The following CDK11B variants were observed in gnomAD, a reference collection of about 807,000 sequenced individuals.
CDK11B encodes the protein cyclin-dependent kinase 11B.
A neutral mutation model predicts 84.0 loss-of-function variants in CDK11B; 37 were observed. That is an observed-to-expected ratio of 0.44 (90% CI 0.34 to 0.58). The LOEUF (loss-of-function observed/expected upper bound fraction) is 0.58, where lower values mean the gene tolerates loss of function less well. CDK11B is among the 20% of genes least tolerant of loss of function. The pLI is 0.02. For missense variants in CDK11B, 427 were observed against 834.0 expected, an observed-to-expected ratio of 0.51 and a Z score of 6.01; for synonymous variants, 269 against 309.8, an observed-to-expected ratio of 0.87 and a Z score of 1.38.
At chr1:1,644,713 C>T (rs1277956773) in intron 6 of CDK11B, among the ~76,000 whole-genome samples, 7 of 152,232 alleles carry the variant, frequency 4.6e-5, no homozygotes, top group South Asian at 2.1e-4. Context: ...TCGTACTGGC[C>T]GGCCGCGGTG....
chr1:1,649,970 A>T, intron 4 of CDK11B, among the ~76,000 whole-genome samples: 1 of 143,954 alleles, frequency 6.9e-6, no homozygotes, highest in Admixed American at 6.9e-5. Flanking sequence ...AAAAAAAAAA[A>T]CCCACGTGAA....
At chr1:1,652,379 T>C in intron 4 of CDK11B, 60 bp downstream of exon 4, 1 of 1,365,446 alleles carries the variant, frequency 7.3e-7, no homozygotes, top group Non-Finnish European at 9.7e-7. Context: ...GGCAGAAGAG[T>C]AGGAACAGGA....
chr1:1,644,812 TGAAACCCTGTCTCTA>T (rs1640793109), intron 6 of CDK11B, among the ~76,000 whole-genome samples: 1 of 151,886 alleles, frequency 6.6e-6, no homozygotes, highest in Non-Finnish European at 1.5e-5. Context: ...GCTAACACGG[TGAAACCCTGTCTCTA>T]CTAAAAATAT....
chr1:1,651,665 C>T (rs1426474139), intron 4 of CDK11B, among the ~76,000 whole-genome samples: 6 of 151,554 alleles, frequency 4.0e-5, no homozygotes, highest in Non-Finnish European at 5.9e-5. Flanking sequence ...GTCTGTGACA[C>T]ACGCATGCTT....
intron 3 of CDK11B, among the ~76,000 whole-genome samples, chr1:1,654,745 A>G (rs1396561813): frequency 2.0e-5 from 3 of 147,360 alleles, no homozygotes; most frequent in Non-Finnish European, 3.0e-5. Context: ...TGCAAGCTCC[A>G]CCTCCTGGGT....
Position 1,637,752 on chromosome 1 carries a change from C to T in CDK11B, c.1464+10G>A, listed in dbSNP as rs371647482. 10 of 1,613,574 alleles carry T rather than the reference C, an allele frequency of 6.2e-6. No homozygotes were observed. The African/African-American group carries it at 1.3e-4, about 22-fold the overall frequency. Reference sequence around the variant, plus strand: ...CCACCCGGGGCCAGGCGTGGTGGGGCCATGCTCACTCTAACGGTGACGATG... The same window carrying T: ...CCACCCGGGGCCAGGCGTGGTGGGGTCATGCTCACTCTAACGGTGACGATG... On this transcript the variant is annotated intron_variant, in intron 13 of 19. Coordinates refer to ENST00000341832, the MANE Select transcript of CDK11B (RefSeq NM_033486.3).
Position 1,637,770 on chromosome 1 carries a change from T to C in CDK11B, c.1456A>G (p.Thr486Ala). 1 of 1,613,728 alleles carries C rather than the reference T, an allele frequency of 6.2e-7. No homozygotes were observed. Among genetic ancestry groups the C allele is most frequent in the Non-Finnish European group, 8.5e-7 (1 of 1,179,696 alleles). The change falls in exon 13 of 20, where the codon ACC (threonine) becomes GCC (alanine). Residue 486 changes from threonine to alanine, a missense_variant. By Grantham distance (58) the Thr-to-Ala change is moderately conservative (BLOSUM62 0). Transcript: ENST00000341832. ...ILKAQHPNIV[T>A]VREIVVGSNM... Reference sequence around the variant, plus strand: ...GGTGGGGCCATGCTCACTCTAACGGTGACGATGTTGGGATGCTGGGCCTTG... The same window carrying C: ...GGTGGGGCCATGCTCACTCTAACGGCGACGATGTTGGGATGCTGGGCCTTG...
At chr1:1,636,278 G>T (rs61774909) in intron 18 of CDK11B, 55 bp downstream of exon 18, 575,689 of 1,454,254 alleles carry the variant, frequency 0.4, 105,414 homozygotes, top group Non-Finnish European at 0.44. Context: ...GCCTGGGACT[G>T]GGAAGTCACC....
In CDK11B at chr1:1,636,378, CGCTTGCGGAGGTTGTTGTAGGGGT is replaced by C; in HGVS notation, c.1997_2020del (p.His666_Lys673del). 6.2e-7 allele frequency: 1 copy of C among 1,604,660 alleles called. No individual in the cohort carries two copies. The highest frequency in any genetic ancestry group is 8.5e-7 in the Non-Finnish European group (1 of 1,175,274). ...CTGGTCTGAGAGCAGAGCCCCGAAG[CGCTTGCGGAGGTTGTTGTAGGGGT>C]GCTCGCTGAAGGTCATCTTCTTGAC... On this transcript the variant is annotated inframe_deletion, in exon 18 of 20. Transcript: ENST00000341832.
chr1:1,646,484 T>A (rs1641137219), intron 5 of CDK11B: 1 of 519,880 alleles, frequency 1.9e-6, no homozygotes, highest in Admixed American at 1.9e-5. Flanking sequence ...GTGCAGTCCA[T>A]TTATGCCACA....
At chr1:1,654,371 T>C (rs1414270023) in intron 3 of CDK11B, among the ~76,000 whole-genome samples, 1 of 152,186 alleles carries the variant, frequency 6.6e-6, no homozygotes, top group African/African-American at 2.4e-5. Context: ...GCTTAGAAGC[T>C]AGGCCCTGAA....
rs549001291 is a variant in CDK11B at position 1,644,887 on chromosome 1, G to A, written c.631+239C>T. On this transcript the variant is annotated intron_variant, in intron 6 of 19. Transcript: ENST00000341832. Reference sequence around the variant, plus strand: ...GGGTGCCTGTAATCCCTGCTACTCCGGAGGCTGAGGCAGGAGGATCACTTG... The same window carrying A: ...GGGTGCCTGTAATCCCTGCTACTCCAGAGGCTGAGGCAGGAGGATCACTTG... Among the ~76,000 whole-genome samples the A allele has an allele frequency of 9.7e-3, 1,443 of 148,132 alleles. 16 individuals carry two copies. The highest frequency in any genetic ancestry group is 0.036 in the African/African-American group (1,365 of 38,260).
chr1:1,646,198 G>A (rs1369469810), intron 5 of CDK11B: 5 of 386,256 alleles, frequency 1.3e-5, no homozygotes, highest in African/African-American at 6.3e-5. Context: ...AATCTGCCCT[G>A]TCTGTTTGGG....
Position 1,637,768 on chromosome 1 carries a change from G to A in CDK11B, c.1458C>T (p.Thr486=), listed in dbSNP as rs374689261. The A allele has an allele frequency of 5.8e-4, 937 of 1,613,636 alleles. 2 individuals carry two copies. Among genetic ancestry groups the A allele is most frequent in the Non-Finnish European group, 7.2e-4 (846 of 1,179,708 alleles). The part of the protein sequence containing the change: ...ILKAQHPNIV[T]VREIVVGSNM... ...GTGGTGGGGCCATGCTCACTCTAAC[G>A]GTGACGATGTTGGGATGCTGGGCCT... is the stretch of plus-strand genomic sequence containing the variant. The change falls in exon 13 of 20, where the codon ACC becomes ACT. Residue 486 remains threonine, a synonymous_variant. Coordinates refer to ENST00000341832, the MANE Select transcript of CDK11B (RefSeq NM_033486.3).
chr1:1,636,166 G>T, intron 18 of CDK11B, 40 bp from the exon 19 acceptor site: 1 of 652,900 alleles, frequency 1.5e-6, no homozygotes, highest in Non-Finnish European at 2.5e-6. Flanking sequence ...GTGCTCGTGT[G>T]CTCCACTGGG....
At position 1,636,706 on chromosome 1, in the gene CDK11B, G is replaced by T. The variant is rs139220282; in HGVS notation, c.1893C>A (p.Ile631=). Residue 631 remains isoleucine, a synonymous_variant, in exon 17 of 20, where the codon ATC becomes ATA. Coordinates refer to ENST00000341832, the MANE Select transcript of CDK11B (RefSeq NM_033486.3). ...QKPLFPGKSE[I]DQINKVFKDL... is the part of the protein sequence containing the mutation. ...CCTTGAACACCTTGTTGATCTGATC[G>T]ATTTCTGACTTCCCGGGGAACAGAG... 1 of 1,613,964 alleles carries T rather than the reference G, an allele frequency of 6.2e-7. No homozygotes were observed. The highest frequency in any genetic ancestry group is 8.5e-7 in the Non-Finnish European group (1 of 1,179,874).
At chr1:1,650,610 C>T (rs1460245426) in intron 4 of CDK11B, among the ~76,000 whole-genome samples, 2 of 150,230 alleles carry the variant, frequency 1.3e-5, no homozygotes, top group Non-Finnish European at 1.5e-5. Flanking sequence ...CGTGATCTGC[C>T]GGCCTCGGCC....
intron 9 of CDK11B, 114 bp downstream of exon 9, chr1:1,641,548 A>G (rs1304938588): frequency 1.8e-6 from 1 of 542,816 alleles, no homozygotes; most frequent in African/African-American, 2.2e-5. Context: ...AGGTGTCCCG[A>G]GAGAGTCCTA....
At chr1:1,656,893 C>T (rs1297189218) in intron 2 of CDK11B, among the ~76,000 whole-genome samples, 1 of 152,202 alleles carries the variant, frequency 6.6e-6, no homozygotes, top group Non-Finnish European at 1.5e-5. Flanking sequence ...TGCCTGTACT[C>T]ACTAACATCC....
Sources: allele counts gnomAD v4.1 joint callset (sites outside exome capture counted in the v4.1 genomes callset), GRCh38; gene constraint gnomAD v4.1.1; transcripts MANE v1.5; gene names NCBI Gene and HGNC (gene_info 2026-07-23, HGNC 2026-07-21).